The following BEGAIN variants were observed in gnomAD, a reference collection of about 807,000 sequenced individuals.
BEGAIN encodes brain enriched guanylate kinase associated, also known as brain-enriched guanylate kinase-associated protein.
In BEGAIN, 19 loss-of-function variants were observed where a neutral mutation model predicts 35.8. That is an observed-to-expected ratio of 0.53 (90% CI 0.37 to 0.78). The LOEUF is 0.78. BEGAIN is among the 30% of genes least tolerant of loss of function. The pLI, the probability that BEGAIN is intolerant of heterozygous loss-of-function variation, is 0.00. For synonymous variants in BEGAIN, 462 were observed against 388.6 expected (o/e 1.19, Z -2.22); for missense variants, 795 against 853.6 (o/e 0.93, Z 0.85).
At chr14:100,554,125 C>G (rs2033475154) in intron 2 of BEGAIN, among the ~76,000 whole-genome samples, 1 of 152,234 alleles carries the variant, frequency 6.6e-6, no homozygotes, top group Non-Finnish European at 1.5e-5. Context: ...TCCAGGGCCC[C>G]TGGTGTCAGG....
At chr14:100,576,362 A>G (rs1006479662) in intron 1 of BEGAIN, among the ~76,000 whole-genome samples, 1 of 152,142 alleles carries the variant, frequency 6.6e-6, no homozygotes, top group Non-Finnish European at 1.5e-5. Context: ...CTCCTCCTCC[A>G]TGCACTGGGG....
intron 1 of BEGAIN, among the ~76,000 whole-genome samples, chr14:100,571,186 A>AC (rs767949385): frequency 1.3e-5 from 2 of 151,150 alleles, no homozygotes; most frequent in East Asian, 1.9e-4. Flanking sequence ...TTAAGTCCCT[A>AC]CCTCTTTCTG....
intron 5 of BEGAIN, among the ~76,000 whole-genome samples, chr14:100,543,043 A>G (rs138773079): frequency 9.5e-4 from 145 of 152,298 alleles, no homozygotes; most frequent in African/African-American, 3.4e-3. Context: ...AACCAGGTAC[A>G]GCTGCACACC....
In BEGAIN at chr14:100,558,583, CAT is replaced by C. The variant is rs2033964866; in HGVS notation, c.71+9326_71+9327del. 6.6e-6 allele frequency among the ~76,000 whole-genome samples: 1 copy of C among 152,234 alleles called. No individual in the cohort carries two copies. The highest frequency in any genetic ancestry group is 2.4e-5 in the African/African-American group (1 of 41,456). On this transcript the variant is annotated intron_variant, in intron 2 of 6. Transcript: ENST00000554140. This position sits in a 1 kb window ranked among gnomAD's most constrained non-coding sequence, Gnocchi z 4.6. Reference sequence around the variant, plus strand: ...CAACTCCATTGCCTCACCTTTGTCTCATGGGCAGCACAGATCTGCTGGGCGCA... The same window carrying C: ...CAACTCCATTGCCTCACCTTTGTCTCGGGCAGCACAGATCTGCTGGGCGCA...
intron 1 of BEGAIN, among the ~76,000 whole-genome samples, chr14:100,584,319 G>C (rs2035388722): frequency 1.3e-5 from 2 of 152,190 alleles, no homozygotes; most frequent in South Asian, 4.1e-4. Context: ...CACAGAGGCT[G>C]CTGTACTGTC....
At chr14:100,541,773 C>T (rs2031654262) in intron 5 of BEGAIN, among the ~76,000 whole-genome samples, 1 of 152,220 alleles carries the variant, frequency 6.6e-6, no homozygotes, top group Non-Finnish European at 1.5e-5. Context: ...ACCCAAGCCC[C>T]TGGGCTGTCC....
chr14:100,568,539 C>G lies in BEGAIN; in HGVS notation c.43-600G>C. 1 of 1,284,752 alleles carries G rather than the reference C, an allele frequency of 7.8e-7. No homozygotes were observed. The highest frequency in any genetic ancestry group is 1.0e-6 in the Non-Finnish European group (1 of 986,436). The allele number at this position is 1,284,752 out of a possible 1,614,324, so 79.6% of individuals were successfully genotyped here. The stretch of plus-strand genomic sequence containing the variant: ...GGTTTTGGGCCTGGCTTGCCCCTCC[C>G]GGGCCCCAGGGATTAACCCGTGAGC... On this transcript the variant is annotated intron_variant, in intron 1 of 6. Transcript: ENST00000554140. This position sits in a 1 kb window ranked among gnomAD's most constrained non-coding sequence, Gnocchi z 7.5.
chr14:100,547,473 C>G (rs2140537264), intron 2 of BEGAIN: 1 of 152,432 alleles, frequency 6.6e-6, no homozygotes, highest in African/African-American at 2.4e-5. Flanking sequence ...ACCCACTCTT[C>G]CGAGCCACCT....
At chr14:100,552,232 G>A (rs568281980) in intron 2 of BEGAIN, among the ~76,000 whole-genome samples, 104 of 152,248 alleles carry the variant, frequency 6.8e-4, no homozygotes, top group African/African-American at 2.3e-3. Flanking sequence ...AAGGGGTGGG[G>A]CTGGCCTGCA....
Position 100,544,105 on chromosome 14 carries a change from G to A in BEGAIN, c.301-140C>T. 3 of 625,582 alleles carry A rather than the reference G, an allele frequency of 4.8e-6. No homozygotes were observed. In the South Asian group the frequency reaches 5.7e-5, roughly 12 times the overall value. 38.8% of individuals were successfully genotyped at this position (625,582 alleles called of 1,614,324 possible). On this transcript the variant is annotated intron_variant, in intron 4 of 6. Transcript: ENST00000554140. ...AGAGGGCCAAGGGTGTGGGGTTTAT[G>A]AGCACAGACAGACCCTGGTTCAATT...
chr14:100,543,903 A>T lies in BEGAIN; in HGVS notation c.363T>A (p.His121Gln). 1 of 1,613,628 alleles carries T rather than the reference A, an allele frequency of 6.2e-7. No homozygotes were observed. Among genetic ancestry groups the T allele is most frequent in the Non-Finnish European group, 8.5e-7 (1 of 1,179,884 alleles). The change falls in exon 5 of 7, where the codon CAT becomes CAA. Residue 121 changes from histidine to glutamine, a missense_variant. His to Gln is a conservative substitution (Grantham distance 24). Coordinates refer to ENST00000554140, the MANE Select transcript of BEGAIN (RefSeq NM_001385089.1). The stretch of plus-strand genomic sequence containing the variant: ...CGATGGTCACCTTGGCTTCTAGCAG[A>T]TGGCTGTTGAGGGCAACAATCTCGT... ...LSHEIVALNS[H>Q]LLEAKVTIDK...
At chr14:100,550,469 G>C in intron 2 of BEGAIN, 1 of 399,258 alleles carries the variant, frequency 2.5e-6, no homozygotes, top group South Asian at 1.3e-4. Context: ...TGCAGTACTC[G>C]GGGCTGCCCG....
At position 100,546,666 on chromosome 14, in the gene BEGAIN, C is replaced by T; in HGVS notation, c.72-4G>A. On this transcript the variant is annotated splice_polypyrimidine_tract_variant and splice_region_variant and intron_variant, in intron 2 of 6. Coordinates refer to ENST00000554140, the MANE Select transcript of BEGAIN (RefSeq NM_001385089.1). The stretch of plus-strand genomic sequence containing the variant: ...GCCCTTCTGCTCCTGCAGCGCGCTG[C>T]AACGACATGGCGGCGGCGGGCCGGG... The T allele has an allele frequency of 6.4e-7, 1 of 1,556,724 alleles. No individual in the cohort carries two copies. Among genetic ancestry groups the T allele is most frequent in the Non-Finnish European group, 8.6e-7 (1 of 1,156,738 alleles).
chr14:100,547,757 G>T (rs1405578328), intron 2 of BEGAIN: 2 of 152,302 alleles, frequency 1.3e-5, no homozygotes, highest in Non-Finnish European at 2.9e-5. Context: ...GTGGGAGAGG[G>T]CCTGGAACCC....
At chr14:100,582,176 CGCTCTGCTGCCAGGCT>C (rs2035331966) in intron 1 of BEGAIN, among the ~76,000 whole-genome samples, 1 of 152,130 alleles carries the variant, frequency 6.6e-6, no homozygotes, top group Non-Finnish European at 1.5e-5. Flanking sequence ...AGACAGGTCT[CGCTCTGCTGCCAGGCT>C]AGAGTGCAGT....
intron 2 of BEGAIN, among the ~76,000 whole-genome samples, chr14:100,559,025 C>G (rs1157576375): frequency 6.6e-6 from 1 of 152,156 alleles, no homozygotes; most frequent in Non-Finnish European, 1.5e-5. Flanking sequence ...GGTCAGCTGG[C>G]AGAAGGCCCT....
At position 100,587,409 on chromosome 14, in the gene BEGAIN, G is replaced by C. The variant is rs990835920; in HGVS notation, c.-119C>G. On this transcript the variant is annotated 5_prime_UTR_variant, in exon 1 of 7. Transcript: ENST00000554140. Reference sequence around the variant, plus strand: ...GCTCCCCCACCCCGCCCGGCTTCCCGCAGGGAGCGCCCGCCCCCCGCCCCC... The same window carrying C: ...GCTCCCCCACCCCGCCCGGCTTCCCCCAGGGAGCGCCCGCCCCCCGCCCCC... 1 of 145,220 alleles carries C rather than the reference G, an allele frequency of 6.9e-6. No individual in the cohort carries two copies. Among genetic ancestry groups the C allele is most frequent in the African/African-American group, 2.5e-5 (1 of 40,532 alleles). 9.0% of individuals were successfully genotyped at this position (145,220 alleles called of 1,614,324 possible).
Position 100,586,462 on chromosome 14 carries a change from G to C in BEGAIN, c.42+787C>G, listed in dbSNP as rs1053428741. Among the ~76,000 whole-genome samples, 2 of 152,286 alleles carry C rather than the reference G, an allele frequency of 1.3e-5. No homozygotes were observed. The highest frequency in any genetic ancestry group is 4.1e-4 in the South Asian group (2 of 4,828). ...CTGCCGGCTCAGGAGACTCCAGCGC[G>C]TCGCCCACGCTGTTCCTGCCCTGAG... On this transcript the variant is annotated intron_variant, in intron 1 of 6. Transcript: ENST00000554140. The surrounding 1 kb of genome is among the most constrained non-coding windows in gnomAD (Gnocchi z 4.9).
intron 5 of BEGAIN, among the ~76,000 whole-genome samples, chr14:100,542,546 C>T (rs1285599044): frequency 6.6e-6 from 1 of 152,270 alleles, no homozygotes; most frequent in African/African-American, 2.4e-5. Context: ...CACCCAGCTC[C>T]TGTCCCTCCC....
Sources: allele counts gnomAD v4.1 joint callset (sites outside exome capture counted in the v4.1 genomes callset), GRCh38; gene constraint gnomAD v4.1.1; non-coding constraint Gnocchi (gnomAD v3.1); transcripts MANE v1.5; gene names NCBI Gene and HGNC (gene_info 2026-07-23, HGNC 2026-07-21).